The following GTF3C3 variants were observed in gnomAD, a reference collection of about 807,000 sequenced individuals.
GTF3C3 encodes general transcription factor IIIC subunit 3.
GTF3C3 carries 75 observed loss-of-function variants against 105.2 expected under a neutral mutation model. The ratio of observed to expected loss-of-function variants is 0.71; its 90% confidence interval spans 0.59 to 0.86. The LOEUF is 0.86. GTF3C3 is among the 40% of genes least tolerant of loss of function. The probability of loss-of-function intolerance (pLI) is 0.00; values close to 1 mark genes in which losing one functional copy is unlikely to be tolerated. For missense variants in GTF3C3, 856 were observed against 1,076.5 expected, an observed-to-expected ratio of 0.80 and a Z score of 2.87; for synonymous variants, 335 against 370.4, an observed-to-expected ratio of 0.90 and a Z score of 1.10.
chr2:196,766,042 G>T (rs189745281), intron 17 of GTF3C3, among the ~76,000 whole-genome samples: 1,616 of 151,242 alleles, frequency 0.011, 11 homozygotes, highest in Non-Finnish European at 0.015. Flanking sequence ...AATTGTGAGG[G>T]AGTACAGGAG....
At chr2:196,788,612 C>G (rs141205970) in intron 6 of GTF3C3, among the ~76,000 whole-genome samples, 1 of 152,168 alleles carries the variant, frequency 6.6e-6, no homozygotes, top group Non-Finnish European at 1.5e-5. Flanking sequence ...AATATACACA[C>G]TTTTGACTAA....
Position 196,763,523 on chromosome 2 carries a change from A to T in GTF3C3, c.*1040T>A, listed in dbSNP as rs1366982187. ...AGTATACAATATATTTACTTATTGC[A>T]TACAAATTCTGCTCAACTAGAAAGT... On this transcript the variant is annotated 3_prime_UTR_variant, in exon 18 of 18. Transcript: ENST00000263956. 1 of 152,258 alleles carries T rather than the reference A, an allele frequency of 6.6e-6. No individual in the cohort carries two copies. Among genetic ancestry groups the T allele is most frequent in the Non-Finnish European group, 1.5e-5 (1 of 68,038 alleles). 9.4% of individuals were successfully genotyped at this position (152,258 alleles called of 1,614,324 possible).
At chr2:196,794,624 G>A (rs767147525) in intron 2 of GTF3C3, among the ~76,000 whole-genome samples, 9 of 152,032 alleles carry the variant, frequency 5.9e-5, no homozygotes, top group African/African-American at 1.7e-4. Context: ...TAGTAGAGAC[G>A]GGATTTCTCC....
intron 16 of GTF3C3, chr2:196,767,029 C>T (rs1192758264): frequency 2.2e-5 from 4 of 180,390 alleles, no homozygotes; most frequent in South Asian, 1.8e-4. Flanking sequence ...TGGCTTGTGC[C>T]GTTATAGGCC....
In GTF3C3 at chr2:196,771,793, T is replaced by C. The variant is rs1330979937; in HGVS notation, c.2215A>G (p.Asn739Asp). 3 of 1,612,528 alleles carry C rather than the reference T, an allele frequency of 1.9e-6. No homozygotes were observed. The highest frequency in any genetic ancestry group is 2.5e-6 in the Non-Finnish European group (3 of 1,178,642). The change falls in exon 15 of 18, where the codon AAT becomes GAT. Residue 739 changes from asparagine (N) to aspartate (D), a missense_variant. Around this residue, in one of 3 missense-constraint regions of GTF3C3, gnomAD observed 605 missense variants for 833.6 expected, o/e 0.73. Transcript: ENST00000263956. Reference sequence around the variant, plus strand: ...CCAGATACAAATGCATTGTGTCCATTTAAGACACATAGGGCATGATTTTCT... The same window carrying C: ...CCAGATACAAATGCATTGTGTCCATCTAAGACACATAGGGCATGATTTTCT... ...NPENHALCVL[N>D]GHNAFVSGSF...
At chr2:196,771,207 T>C (rs1699169026) in intron 15 of GTF3C3, among the ~76,000 whole-genome samples, 1 of 152,196 alleles carries the variant, frequency 6.6e-6, no homozygotes, top group African/African-American at 2.4e-5. Flanking sequence ...ATTAATGAAG[T>C]TTCCTTGAGT....
intron 9 of GTF3C3, 44 bp downstream of exon 9, chr2:196,780,515 T>C: frequency 6.3e-7 from 1 of 1,587,240 alleles, no homozygotes; most frequent in Non-Finnish European, 8.6e-7. Flanking sequence ...AAAGAGATGG[T>C]GCATTTGATC....
At chr2:196,773,546 A>G (rs1699212642) in intron 13 of GTF3C3, 2 of 302,012 alleles carry the variant, frequency 6.6e-6, no homozygotes, top group Non-Finnish European at 1.4e-5. Flanking sequence ...ATGCAAGGCA[A>G]TTTTTCCATG....
At chr2:196,795,797 A>G (rs1699632389) in intron 2 of GTF3C3, among the ~76,000 whole-genome samples, 1 of 152,226 alleles carries the variant, frequency 6.6e-6, no homozygotes, top group Non-Finnish European at 1.5e-5. Flanking sequence ...GTCCTAGCCA[A>G]TGTAATAAGA....
Position 196,766,603 on chromosome 2 carries a change from A to C in GTF3C3, c.2500T>G (p.Tyr834Asp), listed in dbSNP as rs756959202. 1 of 1,612,968 alleles carries C rather than the reference A, an allele frequency of 6.2e-7. No homozygotes were observed. Among genetic ancestry groups the C allele is most frequent in the Admixed American group, 1.7e-5 (1 of 59,992 alleles). Residue 834 changes from tyrosine (Y) to aspartate (D), a missense_variant, in exon 17 of 18, where the codon TAT becomes GAT. Tyr to Asp is a radical substitution (Grantham distance 160, BLOSUM62 -3). This residue lies in a region of GTF3C3 where 134 missense variants were observed against 128.9 expected (regional missense o/e 1.04). Transcript: ENST00000263956. ...LGLIHLAIHYYQKALELPPLV... is the reference protein window; with the variant it reads ...LGLIHLAIHYDQKALELPPLV... ...GGAGGGAGCTCCAGGGCCTTCTGATAATAGTGGATTGCAAGATGAATCAGC... is the reference window on the plus strand; with the variant it reads ...GGAGGGAGCTCCAGGGCCTTCTGATCATAGTGGATTGCAAGATGAATCAGC...
At chr2:196,773,331 A>G (rs1380906385) in intron 13 of GTF3C3, among the ~76,000 whole-genome samples, 178 bp from the exon 14 acceptor site, 1 of 152,228 alleles carries the variant, frequency 6.6e-6, no homozygotes, top group African/African-American at 2.4e-5. Context: ...CTTCAATACT[A>G]TCCGCTTCTT....
rs930986816 is a variant in GTF3C3, at chr2:196,764,604, C to T, written c.2620G>A (p.Gly874Arg). ...GTATACAAAAGCGTTTGAGCCATTC[C>T]GGTATTCCCACTGCTCTGATAGATG... ...SLIYQSSGNT[G>R]MAQTLLYTYC... The change falls in exon 18 of 18, where the codon GGA (glycine) becomes AGA (arginine). Residue 874 changes from glycine to arginine, a missense_variant. Transcript: ENST00000263956. 19 of 1,613,542 alleles carry T rather than the reference C, an allele frequency of 1.2e-5. No individual in the cohort carries two copies. Among genetic ancestry groups the T allele is most frequent in the East Asian group, 2.2e-5 (1 of 44,882 alleles).
rs1699263936 is a variant in GTF3C3, at chr2:196,776,716, G to A, written c.1391-87C>T. The A allele has an allele frequency of 1.2e-6, 1 of 864,318 alleles. No individual in the cohort carries two copies. The highest frequency in any genetic ancestry group is 1.7e-5 in the African/African-American group (1 of 58,310). The allele number at this position is 864,318 out of a possible 1,614,324, so 53.5% of individuals were successfully genotyped here. ...ACTCTTCCATTTTAAAAGAAATATA[G>A]CAATATAAAAAATTATAACAAGAAA... On this transcript the variant is annotated intron_variant, in intron 10 of 17. Transcript: ENST00000263956. The surrounding 1 kb of genome is among the most constrained non-coding windows in gnomAD (Gnocchi z 4.5).
intron 2 of GTF3C3, among the ~76,000 whole-genome samples, chr2:196,796,016 C>T (rs1373571654): frequency 6.6e-6 from 1 of 152,136 alleles, no homozygotes; most frequent in African/African-American, 2.4e-5. Context: ...ATCCTATCTT[C>T]AGTGTGTAAG....
In GTF3C3 at chr2:196,764,416, T is replaced by TATCACATATTAA. The variant is rs1460988778; in HGVS notation, c.*135_*146dup. ...TTTTGCATATATACCACAAGATCAT[T>TATCACATATTAA]ATCACATATTAAAAATAAATACACT... On this transcript the variant is annotated 3_prime_UTR_variant, in exon 18 of 18. Coordinates refer to ENST00000263956, the MANE Select transcript of GTF3C3 (RefSeq NM_012086.5). 6 of 712,684 alleles carry TATCACATATTAA rather than the reference T, an allele frequency of 8.4e-6. No individual in the cohort carries two copies. The African/African-American group carries it at 1.1e-4, about 13-fold the overall frequency. The allele number at this position is 712,684 out of a possible 1,614,324, so 44.1% of individuals were successfully genotyped here. A position where few individuals can be genotyped will look rare whatever the true frequency, so the allele number is the denominator to read the frequency against.
chr2:196,782,591 T>C (rs1227408226), intron 8 of GTF3C3, among the ~76,000 whole-genome samples: 6 of 144,352 alleles, frequency 4.2e-5, no homozygotes, highest in African/African-American at 1.5e-4. Context: ...AAGCTGAAAA[T>C]AAAAGGACAA....
chr2:196,798,741 A>G lies in GTF3C3; in HGVS notation c.102+769T>C, dbSNP rs980231356. Among the ~76,000 whole-genome samples, 4 of 151,204 alleles carry G rather than the reference A, an allele frequency of 2.6e-5. No homozygotes were observed. In the East Asian group the frequency reaches 7.9e-4, roughly 30 times the overall value. On this transcript the variant is annotated intron_variant, in intron 1 of 17. Coordinates refer to ENST00000263956, the MANE Select transcript of GTF3C3 (RefSeq NM_012086.5). The stretch of plus-strand genomic sequence containing the variant: ...GCCGGGCATGGTGGCAGGCGCCTGT[A>G]GTCCCAGCTACTCGGGAGGCTGAGG...
chr2:196,784,699 A>G, intron 8 of GTF3C3, 158 bp downstream of exon 8: 1 of 622,820 alleles, frequency 1.6e-6, no homozygotes, highest in South Asian at 7.2e-5. Context: ...TACTCACAAG[A>G]TATGAAATCT....
intron 8 of GTF3C3, among the ~76,000 whole-genome samples, chr2:196,784,589 TAAAA>T (rs1699421401): frequency 6.6e-6 from 1 of 151,966 alleles, no homozygotes; most frequent in Admixed American, 6.6e-5. Flanking sequence ...TTTTTTTTCC[TAAAA>T]AAAGGAATGA....
Sources: gnomAD v4.1 joint callset for allele counts (sites outside exome capture counted in the v4.1 genomes callset) on GRCh38, gnomAD v4.1.1 for gene constraint, gnomAD v4.1.1 regional missense constraint, Gnocchi (gnomAD v3.1) non-coding constraint, MANE v1.5 for transcripts, NCBI Gene and HGNC (gene_info 2026-07-23, HGNC 2026-07-21) for gene names.